PLB1: variants seen among roughly 807,000 people sequenced by gnomAD.
The protein encoded by PLB1 is phospholipase B1, membrane-associated.
PLB1 carries 242 observed loss-of-function variants against 227.4 expected under a neutral mutation model. That is an observed-to-expected ratio of 1.06 (90% CI 0.96 to 1.18). The LOEUF (loss-of-function observed/expected upper bound fraction) is 1.18, where lower values mean the gene tolerates loss of function less well. Ranked by LOEUF, PLB1 falls within the 50% of genes most tolerant of loss-of-function variation. The pLI is 0.00. For synonymous variants in PLB1, 757 were observed against 682.2 expected (o/e 1.11, Z -1.71); for missense variants, 1,858 against 1,816.3 (o/e 1.02, Z -0.42).
intron 21 of PLB1, 25 bp downstream of exon 21, chr2:28,573,330 GA>G (rs1358108735): frequency 6.5e-7 from 1 of 1,545,772 alleles, no homozygotes; most frequent in African/African-American, 1.4e-5. Context: ...CCGGGGCGGT[GA>G]ACAGCACAGG....
chr2:28,520,718 A>ATC (rs1669418087), intron 4 of PLB1, among the ~76,000 whole-genome samples: 1 of 152,142 alleles, frequency 6.6e-6, no homozygotes, highest in Non-Finnish European at 1.5e-5. Flanking sequence ...CACACCTGTA[A>ATC]TCCCAGCATT....
intron 49 of PLB1, among the ~76,000 whole-genome samples, chr2:28,621,976 A>C (rs1687116158): frequency 1.3e-5 from 2 of 152,036 alleles, no homozygotes; most frequent in South Asian, 4.1e-4. Flanking sequence ...CACTTCTCTT[A>C]TTGCCTTTTC....
intron 10 of PLB1, among the ~76,000 whole-genome samples, chr2:28,538,834 G>A (rs1215441135): frequency 6.6e-6 from 1 of 152,152 alleles, no homozygotes; most frequent in African/African-American, 2.4e-5. Flanking sequence ...TAGCCCCAGT[G>A]GTCTCCCTCC....
chr2:28,528,421 G>A (rs1340058803), intron 6 of PLB1, among the ~76,000 whole-genome samples: 2 of 152,278 alleles, frequency 1.3e-5, no homozygotes, highest in South Asian at 4.2e-4. Context: ...TCCTCTGGCT[G>A]TCAGCTCTGG....
intron 25 of PLB1, among the ~76,000 whole-genome samples, chr2:28,583,423 A>G (rs778504290): frequency 9.9e-5 from 15 of 151,856 alleles, no homozygotes; most frequent in Non-Finnish European, 1.8e-4. Flanking sequence ...ACCTCAGGTG[A>G]TCCACCCTCC....
intron 25 of PLB1, among the ~76,000 whole-genome samples, chr2:28,583,911 C>T (rs761964083): frequency 3.3e-5 from 5 of 152,084 alleles, no homozygotes; most frequent in Non-Finnish European, 5.9e-5. Context: ...ATAAGGGAGA[C>T]CCAGCCTGTA....
intron 9 of PLB1, among the ~76,000 whole-genome samples, chr2:28,537,518 C>T (rs368688924): frequency 2.0e-5 from 3 of 152,066 alleles, no homozygotes; most frequent in African/African-American, 7.2e-5. Context: ...TGGTGAAACC[C>T]TGTCTCTACT....
intron 17 of PLB1, 92 bp from the exon 18 acceptor site, chr2:28,562,949 T>C: frequency 8.0e-7 from 1 of 1,254,662 alleles, no homozygotes; most frequent in South Asian, 1.2e-5. Context: ...TTTTCTTTGT[T>C]ATCCTGGAAG....
chr2:28,603,562 A>G (rs1038351277), intron 39 of PLB1, among the ~76,000 whole-genome samples: 1 of 152,238 alleles, frequency 6.6e-6, no homozygotes, highest in Non-Finnish European at 1.5e-5. Flanking sequence ...CTCATGTGAA[A>G]GAAGGAGAGG....
At chr2:28,574,252 T>G (rs1678506067) in intron 21 of PLB1, among the ~76,000 whole-genome samples, 1 of 152,136 alleles carries the variant, frequency 6.6e-6, no homozygotes, top group Admixed American at 6.5e-5. Flanking sequence ...ATGAGTAAGT[T>G]GTTTAGTGGT....
At chr2:28,518,309 G>T (rs1669093834) in intron 2 of PLB1, among the ~76,000 whole-genome samples, 157 bp from the exon 3 acceptor site, 1 of 152,168 alleles carries the variant, frequency 6.6e-6, no homozygotes, top group African/African-American at 2.4e-5. Context: ...GATGAACTGG[G>T]TATGGGGTTA....
At position 28,520,784 on chromosome 2, in the gene PLB1, C is replaced by T. The variant is rs1249975170; in HGVS notation, c.243+1021C>T. The stretch of plus-strand genomic sequence containing the variant: ...GGTCAGGAGTTTGGGACCAGCCTGT[C>T]CAACATGGTGAAACCCCATCTTTAC... On this transcript the variant is annotated intron_variant, in intron 4 of 57. Transcript: ENST00000327757. 5.3e-5 allele frequency among the ~76,000 whole-genome samples: 8 copies of T among 152,162 alleles called. No homozygotes were observed. In the East Asian group the frequency reaches 7.7e-4, roughly 15 times the overall value.
At chr2:28,581,746 T>C (rs1024615237) in intron 23 of PLB1, among the ~76,000 whole-genome samples, 7 of 151,770 alleles carry the variant, frequency 4.6e-5, no homozygotes, top group Non-Finnish European at 8.8e-5. Flanking sequence ...GGTGGATGGA[T>C]CACTTGAGCC....
At chr2:28,607,750 C>T (rs761246266) in intron 43 of PLB1, among the ~76,000 whole-genome samples, 2 of 151,856 alleles carry the variant, frequency 1.3e-5, no homozygotes, top group African/African-American at 2.4e-5. Flanking sequence ...AGCCAGGGAC[C>T]GTGGATAGTG....
At chr2:28,626,182 G>A (rs1687746080) in intron 50 of PLB1, among the ~76,000 whole-genome samples, 2 of 151,948 alleles carry the variant, frequency 1.3e-5, no homozygotes, top group African/African-American at 4.8e-5. Context: ...TTTTAGTGGA[G>A]ACGGGGTTTC....
chr2:28,574,795 A>C (rs898982011), intron 21 of PLB1, among the ~76,000 whole-genome samples: 1 of 152,068 alleles, frequency 6.6e-6, no homozygotes, highest in Middle Eastern at 3.2e-3. Flanking sequence ...GAGTTACTTC[A>C]CTTAGAATAA....
intron 57 of PLB1, 64 bp downstream of exon 57, chr2:28,641,065 C>T: frequency 6.7e-7 from 1 of 1,503,514 alleles, no homozygotes; most frequent in Non-Finnish European, 9.1e-7. Flanking sequence ...GTCCTGTCCC[C>T]TGGAAGCACA....
intron 14 of PLB1, among the ~76,000 whole-genome samples, chr2:28,545,207 C>T (rs1673058601): frequency 6.6e-6 from 1 of 151,474 alleles, no homozygotes; most frequent in Non-Finnish European, 1.5e-5. Flanking sequence ...CCTAGGTAAG[C>T]AGTGACCTCA....
chr2:28,515,653 CAGA>C (rs1334322840), intron 1 of PLB1, among the ~76,000 whole-genome samples: 1 of 152,146 alleles, frequency 6.6e-6, no homozygotes, highest in Non-Finnish European at 1.5e-5. Flanking sequence ...AGTAAAGCTG[CAGA>C]AGAAGGCTGT....
Sources: allele counts gnomAD v4.1 joint callset (sites outside exome capture counted in the v4.1 genomes callset), GRCh38; gene constraint gnomAD v4.1.1; transcripts MANE v1.5; gene names NCBI Gene and HGNC (gene_info 2026-07-23, HGNC 2026-07-21).